Variants in MED1 observed in about 807,000 individuals in gnomAD.
MED1 encodes mediator complex subunit 1.
A neutral mutation model predicts 121.3 loss-of-function variants in MED1; 17 were observed. That is an observed-to-expected ratio of 0.14 (90% CI 0.10 to 0.21). The LOEUF (loss-of-function observed/expected upper bound fraction) is 0.21, where lower values mean the gene tolerates loss of function less well. MED1 is among the 10% of genes least tolerant of loss of function. The pLI, the probability that MED1 is intolerant of heterozygous loss-of-function variation, is 1.00. For missense variants in MED1, 1,558 were observed against 1,919.4 expected (o/e 0.81, Z 3.52); for synonymous variants, 661 against 694.4 (o/e 0.95, Z 0.76).
chr17:39,423,432 A>C lies in MED1; in HGVS notation c.990T>G (p.Phe330Leu), dbSNP rs747836913. 8.7e-6 allele frequency: 14 copies of C among 1,611,582 alleles called. No homozygotes were observed. In the Admixed American group the frequency reaches 2.2e-4, roughly 25 times the overall value. Reference protein sequence around the residue: ...KLQNCTGIPLFETQPTYAPLY... With the variant: ...KLQNCTGIPLLETQPTYAPLY... ...GGGGTGCATAAGTTGGTTGAGTTTC[A>C]AACAATGGAATTCCTGGAAAAACAA... The change falls in exon 13 of 17, where the codon TTT (phenylalanine) becomes TTG (leucine). Residue 330 changes from phenylalanine (F) to leucine (L), a missense_variant. Physicochemically the swap from Phe to Leu is conservative, Grantham distance 22. Transcript: ENST00000300651.
At chr17:39,442,973 GA>G (rs1159999608) in intron 3 of MED1, among the ~76,000 whole-genome samples, 1 of 142,272 alleles carries the variant, frequency 7.0e-6, no homozygotes, top group Admixed American at 7.1e-5. Flanking sequence ...AATGTGAAGG[GA>G]AAAAAAACTT....
chr17:39,415,398 G>A, intron 14 of MED1, 59 bp from the exon 15 acceptor site: 8 of 1,443,170 alleles, frequency 5.5e-6, no homozygotes, highest in African/African-American at 1.4e-5. Context: ...CACAGGCTGG[G>A]CACGGTGGCT....
Position 39,423,773 on chromosome 17 carries a change from A to G in MED1, c.900T>C (p.Pro300=). The G allele has an allele frequency of 1.2e-6, 2 of 1,614,050 alleles. No individual in the cohort carries two copies. The highest frequency in any genetic ancestry group is 1.7e-6 in the Non-Finnish European group (2 of 1,179,970). Residue 300 remains proline, a synonymous_variant, in exon 12 of 17, where the codon CCT becomes CCC. Transcript: ENST00000300651. ...SITSANSVDL[P]ACFFLKFPQP... is the part of the protein sequence containing the mutation. ...GGGGAAATTTCAAGAAGAAACAGGC[A>G]GGAAGATCAACACTGTTGGCACTGG...
rs2048666960 is a variant in MED1, at chr17:39,440,708, G to C, written c.212-31C>G. On this transcript the variant is annotated intron_variant, in intron 3 of 16. Transcript: ENST00000300651. This position sits in a 1 kb window ranked among gnomAD's most constrained non-coding sequence, Gnocchi z 4.1. The stretch of plus-strand genomic sequence containing the variant: ...AAAGGATGAAAAAAGGAGTCACAAA[G>C]AATGCTCCAAATGACTTAAATGATA... 6.3e-7 allele frequency: 1 copy of C among 1,579,340 alleles called. No homozygotes were observed.
chr17:39,417,452 C>T (rs1052844940), intron 14 of MED1, among the ~76,000 whole-genome samples: 1 of 151,882 alleles, frequency 6.6e-6, no homozygotes, highest in Admixed American at 6.6e-5. Context: ...CACGGTGACA[C>T]CCCGTTTCTA....
Position 39,405,425 on chromosome 17 carries a change from T to C in MED1, c.*2050A>G, listed in dbSNP as rs1223470425. ...ATTCAGTACATTCCCCCTAAGATTCTCCCCACTCAGAACAAATTTTAAAAA... is the reference window on the plus strand; with the variant it reads ...ATTCAGTACATTCCCCCTAAGATTCCCCCCACTCAGAACAAATTTTAAAAA... On this transcript the variant is annotated 3_prime_UTR_variant, in exon 17 of 17. Transcript: ENST00000300651. 1 of 1,397,602 alleles carries C rather than the reference T, an allele frequency of 7.2e-7. No homozygotes were observed. The allele number at this position is 1,397,602 out of a possible 1,614,324, so 86.6% of individuals were successfully genotyped here.
In MED1 at chr17:39,440,369, A is replaced by G. The variant is rs2048664050; in HGVS notation, c.399+17T>C. 1 of 1,540,542 alleles carries G rather than the reference A, an allele frequency of 6.5e-7. No individual in the cohort carries two copies. The highest frequency in any genetic ancestry group is 2.3e-5 in the East Asian group (1 of 42,798). On this transcript the variant is annotated intron_variant, in intron 5 of 16. Transcript: ENST00000300651. The surrounding 1 kb of genome is among the most constrained non-coding windows in gnomAD (Gnocchi z 4.1). ...AGTAAACCCCACAGATTCCAGTGAA[A>G]TATCAACAACACATACCACAGGATT...
rs202138194 is a variant in MED1, at chr17:39,443,591, T to C, written c.170A>G (p.His57Arg). 40 of 1,614,034 alleles carry C rather than the reference T, an allele frequency of 2.5e-5. No homozygotes were observed. Among genetic ancestry groups the C allele is most frequent in the Middle Eastern group, 3.3e-4 (2 of 6,062 alleles). The change falls in exon 3 of 17, where the codon CAT becomes CGT. Residue 57 changes from histidine to arginine, a missense_variant. Coordinates refer to ENST00000300651, the MANE Select transcript of MED1 (RefSeq NM_004774.4). ...RVVMSSGGHQ[H>R]LVSCLETLQK... ...CAATGTCTCCAAACAGCTGACCAAA[T>C]GTTGATGCCCTCCAGAACTCATCAC...
intron 14 of MED1, among the ~76,000 whole-genome samples, chr17:39,416,079 A>G (rs529677144): frequency 1.6e-4 from 24 of 152,146 alleles, no homozygotes; most frequent in African/African-American, 5.8e-4. Flanking sequence ...TAAATCGCAC[A>G]CTTTTTTCAC....
chr17:39,441,387 C>A (rs2048673443), intron 3 of MED1, among the ~76,000 whole-genome samples: 1 of 151,986 alleles, frequency 6.6e-6, no homozygotes, highest in Non-Finnish European at 1.5e-5. Context: ...GATGATTATA[C>A]AATAATATGA....
chr17:39,412,016 AAAAAG>A (rs895537527), intron 16 of MED1, among the ~76,000 whole-genome samples: 20 of 151,724 alleles, frequency 1.3e-4, no homozygotes, highest in Admixed American at 2.0e-4. Flanking sequence ...CAAAAAAAAA[AAAAAG>A]AAAAGAAAAA....
chr17:39,430,688 G>A (rs184909475), intron 9 of MED1, among the ~76,000 whole-genome samples: 793 of 77,330 alleles, frequency 0.01, 6 homozygotes, highest in African/African-American at 0.032. Context: ...GCAAGACTCC[G>A]TCTTAAAAAA....
chr17:39,439,280 CAT>C (rs1402303831), intron 5 of MED1, 87 bp from the exon 6 acceptor site: 18 of 1,003,110 alleles, frequency 1.8e-5, no homozygotes, highest in Middle Eastern at 4.3e-4. Context: ...TTCTATAGCA[CAT>C]GTTTTACAAC....
chr17:39,415,700 C>A (rs2048402124), intron 14 of MED1, among the ~76,000 whole-genome samples: 1 of 151,716 alleles, frequency 6.6e-6, no homozygotes, highest in South Asian at 2.1e-4. Context: ...GCCTGTAATC[C>A]CAGCTACTCG....
chr17:39,430,886 G>T (rs2048559433), intron 9 of MED1, among the ~76,000 whole-genome samples: 1 of 151,768 alleles, frequency 6.6e-6, no homozygotes, highest in South Asian at 2.1e-4. Context: ...GGCTATTGTG[G>T]TGCACACCTG....
In MED1 at chr17:39,440,388, C is replaced by A. The variant is rs1454061650; in HGVS notation, c.397G>T (p.Val133Leu). 6.4e-7 allele frequency: 1 copy of A among 1,564,392 alleles called. No individual in the cohort carries two copies. The highest frequency in any genetic ancestry group is 2.3e-5 in the East Asian group (1 of 44,216). ...AGTGAAATATCAACAACACATACCACAGGATTCTCCCCATGGTGAGCCACT... is the reference window on the plus strand; with the variant it reads ...AGTGAAATATCAACAACACATACCAAAGGATTCTCCCCATGGTGAGCCACT... Reference protein sequence around the residue: ...VKVAHHGENPVSCPELVQQLR... With the variant: ...VKVAHHGENPLSCPELVQQLR... The change falls in exon 5 of 17, where the codon GTG becomes TTG. Residue 133 changes from valine (V) to leucine (L), a missense_variant and splice_region_variant. Physicochemically the swap from Val to Leu is conservative, Grantham distance 32. Transcript: ENST00000300651. The surrounding 1 kb of genome is among the most constrained non-coding windows in gnomAD (Gnocchi z 4.1).
chr17:39,437,837 G>C (rs2048634294), intron 6 of MED1, among the ~76,000 whole-genome samples: 1 of 151,964 alleles, frequency 6.6e-6, no homozygotes, highest in African/African-American at 2.4e-5. Context: ...GGGAGGCTGA[G>C]GCAGGAGAAT....
At chr17:39,450,209 C>T (rs1163758574) in intron 1 of MED1, among the ~76,000 whole-genome samples, 1 of 152,162 alleles carries the variant, frequency 6.6e-6, no homozygotes, top group East Asian at 1.9e-4. Context: ...CGCAGCCTCC[C>T]AAAGCGCTGG....
In MED1 at chr17:39,407,675, G is replaced by A. The variant is rs761495079; in HGVS notation, c.4546C>T (p.Arg1516Trp). 9.9e-6 allele frequency: 16 copies of A among 1,613,892 alleles called. No individual in the cohort carries two copies. Among genetic ancestry groups the A allele is most frequent in the South Asian group, 4.4e-5 (4 of 91,066 alleles). Residue 1516 changes from arginine (R) to tryptophan (W), a missense_variant, in exon 17 of 17, where the codon CGG (arginine) becomes TGG (tryptophan). By Grantham distance (101) the Arg-to-Trp change is moderately radical. This residue lies in a region of MED1 where 264 missense variants were observed against 326.1 expected (regional missense o/e 0.81). Coordinates refer to ENST00000300651, the MANE Select transcript of MED1 (RefSeq NM_004774.4). ...TTTTTCTTGTCTCGGTCTTTGTCCCGGTCTCGGTCCCTATCTTTGTCTTTT... is the reference window on the plus strand; with the variant it reads ...TTTTTCTTGTCTCGGTCTTTGTCCCAGTCTCGGTCCCTATCTTTGTCTTTT... ...KVKDKDRDRD[R>W]DKDRDKKKSH...
Sources: allele counts gnomAD v4.1 joint callset (sites outside exome capture counted in the v4.1 genomes callset), GRCh38; gene constraint gnomAD v4.1.1; regional missense constraint gnomAD v4.1.1; non-coding constraint Gnocchi (gnomAD v3.1); transcripts MANE v1.5; gene names NCBI Gene and HGNC (gene_info 2026-07-23, HGNC 2026-07-21).